The following DAB1 variants were observed in gnomAD, a reference collection of about 807,000 sequenced individuals.
DAB1 encodes the protein DAB adaptor protein 1.
In DAB1, 15 loss-of-function variants were observed where a neutral mutation model predicts 64.6. The observed-to-expected ratio is 0.23, with a 90% CI of 0.16 to 0.36. The LOEUF (loss-of-function observed/expected upper bound fraction) is 0.36, where lower values mean the gene tolerates loss of function less well. DAB1 is among the 10% of genes least tolerant of loss of function. The pLI is 1.00. For synonymous variants in DAB1, 235 were observed against 251.9 expected (o/e 0.93, Z 0.64); for missense variants, 596 against 706.7 (o/e 0.84, Z 1.78).
At chr1:58,324,532 A>T (rs1367006018) in intron 4 of DAB1, among the ~76,000 whole-genome samples, 7 of 152,154 alleles carry the variant, frequency 4.6e-5, no homozygotes, top group Non-Finnish European at 1.0e-4. Context: ...GGCCATCCCC[A>T]GTTGAGCAAG....
chr1:57,328,328 G>T (rs1676357695), intron 1 of DAB1, among the ~76,000 whole-genome samples: 1 of 152,106 alleles, frequency 6.6e-6, no homozygotes, highest in Admixed American at 6.5e-5. Flanking sequence ...TGCCACATTT[G>T]ACCAACTGGT....
intron 5 of DAB1, among the ~76,000 whole-genome samples, chr1:58,002,386 G>C (rs1646519509): frequency 6.6e-6 from 1 of 152,146 alleles, no homozygotes; most frequent in Admixed American, 6.5e-5. Context: ...TTTAGGCTAT[G>C]AGTTAATTCT....
intron 7 of DAB1, among the ~76,000 whole-genome samples, chr1:57,612,218 T>C (rs1254309698): frequency 6.6e-6 from 1 of 151,612 alleles, no homozygotes; most frequent in Non-Finnish European, 1.5e-5. Flanking sequence ...TGTGTGTGTG[T>C]GCATGTGTGT....
intron 3 of DAB1, among the ~76,000 whole-genome samples, chr1:58,356,974 C>A (rs954718586): frequency 6.9e-6 from 1 of 145,132 alleles, no homozygotes; most frequent in Non-Finnish European, 1.5e-5. Flanking sequence ...TGTAGTGAGC[C>A]GTGATTGTAC....
At chr1:58,538,909 G>C (rs757792407) in intron 1 of DAB1, 1 of 872,876 alleles carries the variant, frequency 1.1e-6, no homozygotes, top group African/African-American at 1.6e-5. Context: ...AGCTCTTATG[G>C]AAGCAGGGCT....
chr1:57,340,867 C>T (rs1049280520), intron 1 of DAB1, among the ~76,000 whole-genome samples: 1 of 152,196 alleles, frequency 6.6e-6, no homozygotes, highest in African/African-American at 2.4e-5. Flanking sequence ...CCCTCCTGCA[C>T]AAGTCCCACA....
chr1:57,437,654 A>G (rs765675950), intron 7 of DAB1, among the ~76,000 whole-genome samples: 29 of 152,188 alleles, frequency 1.9e-4, no homozygotes, highest in Non-Finnish European at 1.5e-4. Context: ...CTCAAATGAG[A>G]CCATTCAATA....
intron 5 of DAB1, among the ~76,000 whole-genome samples, chr1:58,045,578 C>T (rs1278140536): frequency 1.3e-5 from 2 of 152,148 alleles, no homozygotes; most frequent in Non-Finnish European, 2.9e-5. Flanking sequence ...AGATGAATTC[C>T]TAACCTGCCA....
intron 4 of DAB1, among the ~76,000 whole-genome samples, chr1:57,122,490 T>G (rs111740960): frequency 9.9e-5 from 15 of 152,190 alleles, no homozygotes; most frequent in African/African-American, 3.6e-4. Flanking sequence ...AAGGCAGATT[T>G]GTTCAGAAAA....
intron 6 of DAB1, among the ~76,000 whole-genome samples, chr1:57,795,264 T>C (rs1269602717): frequency 5.3e-5 from 8 of 152,228 alleles, no homozygotes; most frequent in Admixed American, 5.2e-4. Context: ...AAAAAAATTG[T>C]TAGCAGAGAC....
chr1:57,989,878 A>C (rs762442865), intron 5 of DAB1, among the ~76,000 whole-genome samples: 1 of 152,258 alleles, frequency 6.6e-6, no homozygotes, highest in African/African-American at 2.4e-5. Context: ...TTACCTCATT[A>C]ATTTCTGAGA....
At chr1:58,385,190 T>C (rs1335579008) in intron 3 of DAB1, among the ~76,000 whole-genome samples, 2 of 152,154 alleles carry the variant, frequency 1.3e-5, no homozygotes, top group African/African-American at 4.8e-5. Flanking sequence ...GTAGCAGGAG[T>C]GTATACATAT....
At chr1:58,522,064 T>C (rs1260698341) in intron 2 of DAB1, among the ~76,000 whole-genome samples, 1 of 152,192 alleles carries the variant, frequency 6.6e-6, no homozygotes, top group Non-Finnish European at 1.5e-5. Context: ...CAAAATTAGG[T>C]ATATTTCCCC....
chr1:58,448,601 C>G (rs1260548905), intron 3 of DAB1, among the ~76,000 whole-genome samples: 1 of 152,150 alleles, frequency 6.6e-6, no homozygotes, highest in Non-Finnish European at 1.5e-5. Flanking sequence ...GGTGAAGGAG[C>G]TCCAATTATA....
chr1:58,388,942 A>G (rs1230379203), intron 3 of DAB1, among the ~76,000 whole-genome samples: 2 of 152,234 alleles, frequency 1.3e-5, no homozygotes, highest in African/African-American at 2.4e-5. Context: ...AAATGATGAT[A>G]GCAATATCCA....
rs374411176 is a variant in DAB1, at chr1:57,208,614, G to A, written c.68-63185C>T. 4.2e-4 allele frequency among the ~76,000 whole-genome samples: 64 copies of A among 152,282 alleles called. 1 individual carries two copies. The East Asian group carries it at 8.5e-3, about 20-fold the overall frequency. The stretch of plus-strand genomic sequence containing the variant: ...GTTGAAGAACCTAAAATAGTATCTG[G>A]CACATGGTAAGTGATGAGTAGTTAT... On this transcript the variant is annotated intron_variant, in intron 2 of 14. Coordinates refer to ENST00000371236, the MANE Select transcript of DAB1 (RefSeq NM_001365792.1).
chr1:58,250,623 C>G (rs889091130), intron 4 of DAB1, among the ~76,000 whole-genome samples: 2 of 152,208 alleles, frequency 1.3e-5, no homozygotes, highest in Non-Finnish European at 2.9e-5. Flanking sequence ...GAAGAGGTGG[C>G]GCGGCCTGAC....
rs186240044 is a variant in DAB1 at position 57,935,808 on chromosome 1, C to T, written n.388-51646G>A. ...CTAGACAGATTCTTCCTGGAAGCTCCCTGACGGATCAGGCTGTCTATGGCT... is the reference window on the plus strand; with the variant it reads ...CTAGACAGATTCTTCCTGGAAGCTCTCTGACGGATCAGGCTGTCTATGGCT... On this transcript the variant is annotated intron_variant and non_coding_transcript_variant, in intron 5 of 20. Transcript: ENST00000485760. Among the ~76,000 whole-genome samples the T allele has an allele frequency of 2.7e-3, 413 of 152,258 alleles. 4 individuals carry two copies. The highest frequency in any genetic ancestry group is 9.6e-3 in the African/African-American group (398 of 41,552).
chr1:58,436,773 G>T (rs567181265), intron 3 of DAB1, among the ~76,000 whole-genome samples: 1 of 152,310 alleles, frequency 6.6e-6, no homozygotes, highest in Non-Finnish European at 1.5e-5. Context: ...TTACTTCTTG[G>T]TTGTAGAGTA....
Sources: allele counts gnomAD v4.1 joint callset (sites outside exome capture counted in the v4.1 genomes callset), GRCh38; gene constraint gnomAD v4.1.1; transcripts MANE v1.5; gene names NCBI Gene and HGNC (gene_info 2026-07-23, HGNC 2026-07-21).